RGS6: variants seen among roughly 807,000 people sequenced by gnomAD.
RGS6 encodes the protein regulator of G-protein signaling 6.
RGS6 carries 30 observed loss-of-function variants against 78.5 expected under a neutral mutation model. That is an observed-to-expected ratio of 0.38 (90% CI 0.29 to 0.52). The LOEUF (loss-of-function observed/expected upper bound fraction) is 0.52. RGS6 is among the 20% of genes least tolerant of loss of function. The pLI is 0.85. For synonymous variants in RGS6, 206 were observed against 206.0 expected, an observed-to-expected ratio of 1.00 and a Z score of 0.00; for missense variants, 495 against 609.7, an observed-to-expected ratio of 0.81 and a Z score of 1.98.
rs59274317 is a variant in RGS6 at position 72,001,895 on chromosome 14, C to CTTTTTTTTTTTTTT, written c.84+37032_84+37045dup. Among the ~76,000 whole-genome samples the CTTTTTTTTTTTTTT allele has an allele frequency of 3.6e-4, 33 of 92,528 alleles. 3 individuals carry two copies. Among genetic ancestry groups the CTTTTTTTTTTTTTT allele is most frequent in the African/African-American group, 1.4e-3 (32 of 22,758 alleles). 60.7% of individuals were successfully genotyped at this position (92,528 alleles called of 152,430 possible). Reference sequence around the variant, plus strand: ...TTGAAGTGTTTAGACATCCATTAATCTTTTTTTTTTTTTTTTTTTTTTTTT... The same window carrying CTTTTTTTTTTTTTT: ...TTGAAGTGTTTAGACATCCATTAATCTTTTTTTTTTTTTTTTTTTTTTTTTTTTTTTTTTTTTTT... On this transcript the variant is annotated intron_variant, in intron 2 of 17. Coordinates refer to ENST00000553525, the MANE Select transcript of RGS6 (RefSeq NM_001204424.2).
At chr14:72,110,218 G>A (rs946715656) in intron 2 of RGS6, among the ~76,000 whole-genome samples, 1 of 152,182 alleles carries the variant, frequency 6.6e-6, no homozygotes, top group Non-Finnish European at 1.5e-5. Context: ...ACCTGGCAAA[G>A]CATTGTCCTC....
intron 2 of RGS6, among the ~76,000 whole-genome samples, chr14:72,119,897 G>A (rs1469026019): frequency 6.6e-6 from 1 of 152,240 alleles, no homozygotes; most frequent in Non-Finnish European, 1.5e-5. Flanking sequence ...AATGAAGTCA[G>A]CAAGGATATT....
intron 1 of RGS6, among the ~76,000 whole-genome samples, chr14:71,941,345 C>A (rs2090513916): frequency 6.6e-6 from 1 of 152,106 alleles, no homozygotes; most frequent in Non-Finnish European, 1.5e-5. Flanking sequence ...ATTTTTGGGT[C>A]TAATCATATT....
chr14:72,474,288 C>T (rs2096174461), intron 9 of RGS6, among the ~76,000 whole-genome samples: 1 of 152,128 alleles, frequency 6.6e-6, no homozygotes, highest in Non-Finnish European at 1.5e-5. Flanking sequence ...TAAATAGCTA[C>T]TCATCCTGAT....
intron 2 of RGS6, among the ~76,000 whole-genome samples, chr14:71,981,943 G>A (rs545366781): frequency 1.2e-3 from 179 of 149,612 alleles, no homozygotes; most frequent in African/African-American, 3.9e-3. Flanking sequence ...GCGAGACTCC[G>A]TGGGCGTAGG....
At chr14:72,503,348 T>C (rs1486101399) in intron 13 of RGS6, among the ~76,000 whole-genome samples, 1 of 152,196 alleles carries the variant, frequency 6.6e-6, no homozygotes, top group Non-Finnish European at 1.5e-5. Context: ...GCAAAATACA[T>C]TCATTCCATC....
chr14:71,993,934 T>C lies in RGS6; in HGVS notation c.84+29059T>C, dbSNP rs61131218. On this transcript the variant is annotated intron_variant, in intron 2 of 17. Transcript: ENST00000553525. ...GTCTCTGATAGGGAAAAGGAAGAGT[T>C]GGAAGGCATCTTAGCCTCTAGGACA... Among the ~76,000 whole-genome samples, 49 of 151,742 alleles carry C rather than the reference T, an allele frequency of 3.2e-4. No individual in the cohort carries two copies. In the East Asian group the frequency reaches 7.3e-3, roughly 23 times the overall value.
intron 3 of RGS6, among the ~76,000 whole-genome samples, chr14:72,405,767 T>C (rs2092865984): frequency 6.6e-6 from 1 of 152,184 alleles, no homozygotes; most frequent in South Asian, 2.1e-4. Flanking sequence ...TGCCTGCCCC[T>C]CTGCTGGAAG....
intron 2 of RGS6, among the ~76,000 whole-genome samples, chr14:72,143,152 G>T (rs996125922): frequency 6.6e-6 from 1 of 152,166 alleles, no homozygotes; most frequent in East Asian, 1.9e-4. Context: ...TGGATCACTT[G>T]ATGTTAGGTG....
At chr14:72,288,713 G>A (rs1321764408) in intron 2 of RGS6, among the ~76,000 whole-genome samples, 1 of 152,184 alleles carries the variant, frequency 6.6e-6, no homozygotes, top group Non-Finnish European at 1.5e-5. Flanking sequence ...GGGGAAAGAA[G>A]GCCGGGCACA....
intron 15 of RGS6, among the ~76,000 whole-genome samples, chr14:72,520,285 G>A (rs2097018212): frequency 6.6e-6 from 1 of 152,150 alleles, no homozygotes; most frequent in Non-Finnish European, 1.5e-5. Context: ...CCAAGCTCTG[G>A]ATTTTTCTGA....
intron 2 of RGS6, among the ~76,000 whole-genome samples, chr14:72,236,884 G>C (rs571554797): frequency 6.6e-6 from 1 of 152,180 alleles, no homozygotes; most frequent in African/African-American, 2.4e-5. Flanking sequence ...GGCGGCGGCC[G>C]GGCAAAGGTG....
At chr14:72,314,978 T>C (rs1466570933) in intron 2 of RGS6, among the ~76,000 whole-genome samples, 1 of 152,242 alleles carries the variant, frequency 6.6e-6, no homozygotes, top group East Asian at 1.9e-4. Flanking sequence ...TTGGGATGGA[T>C]GGTGCCCGTC....
intron 17 of RGS6, chr14:72,547,494 A>C: frequency 1.5e-6 from 1 of 652,008 alleles, no homozygotes. Context: ...GGAAAGCATG[A>C]CATTTTGGAA....
chr14:72,590,660 G>C, the RGS6 span, among the ~76,000 whole-genome samples: 2 of 152,204 alleles, frequency 1.3e-5, no homozygotes, highest in Admixed American at 6.5e-5. Flanking sequence ...AAAGATAAAC[G>C]CTTGTTGCTT....
At chr14:71,927,508 C>T (rs1308912013), upstream of RGS6, among the ~76,000 whole-genome samples, 1 of 152,120 alleles carries the variant, frequency 6.6e-6, no homozygotes, top group Non-Finnish European at 1.5e-5. Context: ...GGGGATTATG[C>T]AATTAGTGGT....
At chr14:72,034,129 G>A (rs947551661) in intron 2 of RGS6, among the ~76,000 whole-genome samples, 1 of 152,136 alleles carries the variant, frequency 6.6e-6, no homozygotes, top group African/African-American at 2.4e-5. Flanking sequence ...TTTGCTGTGT[G>A]AAGAGAGATA....
chr14:72,476,947 C>T, intron 11 of RGS6, 107 bp downstream of exon 11: 1 of 928,430 alleles, frequency 1.1e-6, no homozygotes, highest in Non-Finnish European at 1.7e-6. Context: ...TCCTGGAAAC[C>T]ACAGTGGAAC....
intron 2 of RGS6, among the ~76,000 whole-genome samples, chr14:72,205,995 A>C (rs972227531): frequency 2.0e-5 from 3 of 152,260 alleles, no homozygotes; most frequent in African/African-American, 7.2e-5. Context: ...CCTTTGGCCC[A>C]GCAACTCTAC....
Sources: gnomAD v4.1 joint callset for allele counts (sites outside exome capture counted in the v4.1 genomes callset) on GRCh38, gnomAD v4.1.1 for gene constraint, MANE v1.5 for transcripts, NCBI Gene and HGNC (gene_info 2026-07-23, HGNC 2026-07-21) for gene names.